CNTNAP2: variants seen among roughly 807,000 people sequenced by gnomAD.
CNTNAP2 encodes contactin-associated protein-like 2.
In CNTNAP2, 98 loss-of-function variants were observed where a neutral mutation model predicts 155.2. That is an observed-to-expected ratio of 0.63 (90% CI 0.54 to 0.75). The LOEUF is 0.75. Among genes scored for constraint, CNTNAP2 ranks in the 30% least tolerant of loss-of-function variants. The pLI, the probability that CNTNAP2 is intolerant of heterozygous loss-of-function variation, is 0.00. For synonymous variants in CNTNAP2, 651 were observed against 631.2 expected, an observed-to-expected ratio of 1.03 and a Z score of -0.47; for missense variants, 1,727 against 1,688.1, an observed-to-expected ratio of 1.02 and a Z score of -0.40.
At chr7:146,228,779 G>C (rs771281412) in intron 1 of CNTNAP2, among the ~76,000 whole-genome samples, 1 of 151,974 alleles carries the variant, frequency 6.6e-6, no homozygotes, top group Admixed American at 6.6e-5. Context: ...CTTGTAAATA[G>C]AGACCACATT....
intron 15 of CNTNAP2, among the ~76,000 whole-genome samples, chr7:147,983,431 G>GA (rs1801566732): frequency 6.8e-6 from 1 of 147,398 alleles, no homozygotes. Flanking sequence ...TGATACTGTT[G>GA]ACAAAAAAAA....
chr7:146,177,970 C>G (rs913665536), intron 1 of CNTNAP2, among the ~76,000 whole-genome samples: 6 of 152,102 alleles, frequency 3.9e-5, no homozygotes, highest in African/African-American at 1.4e-4. Context: ...TATGAGAATG[C>G]CTGTAGGTTG....
chr7:146,973,217 A>C (rs1797838476), intron 3 of CNTNAP2, among the ~76,000 whole-genome samples: 1 of 152,080 alleles, frequency 6.6e-6, no homozygotes, highest in Non-Finnish European at 1.5e-5. Context: ...TAGTAGAGAC[A>C]GGGTTTCACC....
intron 1 of CNTNAP2, among the ~76,000 whole-genome samples, chr7:146,330,301 C>T (rs770660512): frequency 6.6e-6 from 1 of 152,184 alleles, no homozygotes; most frequent in African/African-American, 2.4e-5. Context: ...GGATTACAGG[C>T]GTGAGCCACT....
intron 8 of CNTNAP2, among the ~76,000 whole-genome samples, chr7:147,285,036 G>C (rs2116733708): frequency 6.6e-6 from 1 of 151,870 alleles, no homozygotes; most frequent in South Asian, 2.1e-4. Context: ...AAAAGTTAAA[G>C]ATTATCTGGT....
intron 2 of CNTNAP2, among the ~76,000 whole-genome samples, chr7:146,803,923 T>C (rs1802923985): frequency 1.3e-5 from 2 of 152,306 alleles, no homozygotes; most frequent in South Asian, 4.1e-4. Flanking sequence ...ATTTCAAAGG[T>C]GCTTCATTGC....
At chr7:147,802,586 C>T (rs2116593250) in intron 13 of CNTNAP2, among the ~76,000 whole-genome samples, 1 of 152,246 alleles carries the variant, frequency 6.6e-6, no homozygotes, top group Admixed American at 6.5e-5. Flanking sequence ...CCAGCCCGGC[C>T]AACACAGCGA....
chr7:147,896,405 G>C (rs1463678671), intron 13 of CNTNAP2, among the ~76,000 whole-genome samples: 2 of 152,146 alleles, frequency 1.3e-5, no homozygotes, highest in African/African-American at 4.8e-5. Flanking sequence ...TTGCAATAGA[G>C]AGAGTAACTC....
chr7:146,562,105 T>A (rs1049541679), intron 1 of CNTNAP2, among the ~76,000 whole-genome samples: 7 of 152,146 alleles, frequency 4.6e-5, no homozygotes, highest in Non-Finnish European at 8.8e-5. Flanking sequence ...CATTTTTGAA[T>A]CTCCTTAACT....
chr7:146,635,171 G>T (rs564959431), intron 1 of CNTNAP2, among the ~76,000 whole-genome samples: 1 of 152,048 alleles, frequency 6.6e-6, no homozygotes, highest in South Asian at 2.1e-4. Flanking sequence ...GATGAAGGAA[G>T]AAAGGAATGA....
At chr7:148,258,229 G>A (rs1393810255) in intron 20 of CNTNAP2, among the ~76,000 whole-genome samples, 1 of 152,204 alleles carries the variant, frequency 6.6e-6, no homozygotes, top group African/African-American at 2.4e-5. Flanking sequence ...CCTGGGGCAG[G>A]AGTGGTAACT....
chr7:146,452,327 A>C (rs1796496295), intron 1 of CNTNAP2, among the ~76,000 whole-genome samples: 1 of 152,196 alleles, frequency 6.6e-6, no homozygotes, highest in Admixed American at 6.5e-5. Flanking sequence ...CATGATACTC[A>C]TTATTACCCA....
At chr7:147,538,980 A>G (rs1298556084) in intron 11 of CNTNAP2, among the ~76,000 whole-genome samples, 1 of 152,110 alleles carries the variant, frequency 6.6e-6, no homozygotes, top group African/African-American at 2.4e-5. Flanking sequence ...GTCTCTTAAT[A>G]TAACAGCTTA....
intron 15 of CNTNAP2, among the ~76,000 whole-genome samples, chr7:147,992,473 A>G (rs1017433359): frequency 3.9e-5 from 6 of 152,144 alleles, no homozygotes; most frequent in African/African-American, 1.4e-4. Context: ...TACATAGGAA[A>G]TAGTGCATTT....
intron 2 of CNTNAP2, among the ~76,000 whole-genome samples, chr7:146,821,351 G>A (rs1803279123): frequency 6.6e-6 from 1 of 152,042 alleles, no homozygotes; most frequent in Non-Finnish European, 1.5e-5. Flanking sequence ...CTCTTTTAGG[G>A]CAGGCCTGGT....
At chr7:146,246,479 G>A (rs559249585) in intron 1 of CNTNAP2, among the ~76,000 whole-genome samples, 1 of 150,160 alleles carries the variant, frequency 6.7e-6, no homozygotes, top group South Asian at 2.1e-4. Flanking sequence ...ACCCACAACA[G>A]TTATGGAGGC....
At position 146,319,699 on chromosome 7, in the gene CNTNAP2, A is replaced by G. The variant is rs193274476; in HGVS notation, c.97+202726A>G. ...TCTGTTTGATGTTCATTAACATTAA[A>G]TAATTTGAGTGGGGCACTGAATCTG... On this transcript the variant is annotated intron_variant, in intron 1 of 23. Transcript: ENST00000361727. Among the ~76,000 whole-genome samples the G allele has an allele frequency of 4.6e-5, 7 of 152,344 alleles. No individual in the cohort carries two copies. The East Asian group carries it at 9.6e-4, about 21-fold the overall frequency.
chr7:147,253,932 C>A (rs574412993), intron 8 of CNTNAP2, among the ~76,000 whole-genome samples: 1 of 152,216 alleles, frequency 6.6e-6, no homozygotes, highest in Non-Finnish European at 1.5e-5. Flanking sequence ...GTGACAAGGG[C>A]CCTCTTTTGT....
intron 21 of CNTNAP2, among the ~76,000 whole-genome samples, chr7:148,312,092 A>AT (rs1010072787): frequency 6.6e-5 from 10 of 152,254 alleles, no homozygotes; most frequent in Admixed American, 2.0e-4. Context: ...ACAGTTTGTG[A>AT]TTTTTTGGGC....
Sources: gnomAD v4.1 joint callset for allele counts (sites outside exome capture counted in the v4.1 genomes callset) on GRCh38, gnomAD v4.1.1 for gene constraint, MANE v1.5 for transcripts, NCBI Gene and HGNC (gene_info 2026-07-23, HGNC 2026-07-21) for gene names.